Variants in CPNE8 observed in about 807,000 individuals in gnomAD.
CPNE8 encodes the protein copine 8.
In CPNE8, 45 loss-of-function variants were observed where a neutral mutation model predicts 81.5. That is an observed-to-expected ratio of 0.55 (90% CI 0.44 to 0.71). CPNE8 has a LOEUF of 0.71. CPNE8 is among the 30% of genes least tolerant of loss of function. The pLI, the probability that CPNE8 is intolerant of heterozygous loss-of-function variation, is 0.00. For synonymous variants in CPNE8, 252 were observed against 226.3 expected, an observed-to-expected ratio of 1.11 and a Z score of -1.02; for missense variants, 594 against 672.1, an observed-to-expected ratio of 0.88 and a Z score of 1.28.
At chr12:38,683,926 A>G (rs1414746008) in intron 16 of CPNE8, among the ~76,000 whole-genome samples, 1 of 152,144 alleles carries the variant, frequency 6.6e-6, no homozygotes, top group Non-Finnish European at 1.5e-5. Flanking sequence ...TTAAATGTAT[A>G]TAGAAATGCA....
chr12:38,699,397 T>TTATATTGTTATATGCA (rs1565572839), intron 14 of CPNE8, among the ~76,000 whole-genome samples: 2 of 152,230 alleles, frequency 1.3e-5, no homozygotes, highest in African/African-American at 4.8e-5. Context: ...TATTTATGCA[T>TTATATTGTTATATGCA]TTATATTGTT....
chr12:38,816,133 T>A (rs1943020596), intron 6 of CPNE8, among the ~76,000 whole-genome samples: 1 of 152,196 alleles, frequency 6.6e-6, no homozygotes, highest in Non-Finnish European at 1.5e-5. Context: ...TAAAATTCTG[T>A]ATTTTTAAAG....
chr12:38,886,840 C>T (rs747238077), intron 1 of CPNE8, among the ~76,000 whole-genome samples: 4 of 152,104 alleles, frequency 2.6e-5, no homozygotes, highest in Non-Finnish European at 5.9e-5. Flanking sequence ...GAAGGTAGAG[C>T]TCAGATGGGA....
At chr12:38,792,689 G>C (rs1380052760) in intron 6 of CPNE8, among the ~76,000 whole-genome samples, 1 of 151,716 alleles carries the variant, frequency 6.6e-6, no homozygotes, top group Non-Finnish European at 1.5e-5. Flanking sequence ...TGAAACACTT[G>C]TGAAAAATTA....
intron 13 of CPNE8, among the ~76,000 whole-genome samples, chr12:38,717,424 GTGGTGTATATATATATATATATA>G (rs1455795589): frequency 2.9e-5 from 1 of 34,144 alleles, no homozygotes; most frequent in Non-Finnish European, 5.4e-5. Context: ...CAAAGAAAGT[GTGGTGTATATATATATATATATA>G]TATATATATA....
In CPNE8 at chr12:38,769,095, A is replaced by T. The variant is rs939588586; in HGVS notation, c.472-1357T>A. Among the ~76,000 whole-genome samples the T allele has an allele frequency of 3.3e-5, 5 of 152,178 alleles. No homozygotes were observed. In the South Asian group the frequency reaches 1.0e-3, roughly 32 times the overall value. On this transcript the variant is annotated intron_variant, in intron 7 of 19. Transcript: ENST00000331366. ...CATTCATTCACTCATTTTCTTACTTAGCAAACATTTAGCAAGCAATAGTCA... is the reference window on the plus strand; with the variant it reads ...CATTCATTCACTCATTTTCTTACTTTGCAAACATTTAGCAAGCAATAGTCA...
At chr12:38,666,179 T>C (rs1939053218) in intron 19 of CPNE8, among the ~76,000 whole-genome samples, 1 of 152,202 alleles carries the variant, frequency 6.6e-6, no homozygotes, top group Admixed American at 6.5e-5. Flanking sequence ...TGAACTCAAA[T>C]GGATCTGACT....
intron 1 of CPNE8, among the ~76,000 whole-genome samples, chr12:38,876,740 T>C (rs1406544757): frequency 6.6e-6 from 1 of 152,214 alleles, no homozygotes; most frequent in Non-Finnish European, 1.5e-5. Flanking sequence ...CATATGAATA[T>C]AATAGAATAG....
intron 1 of CPNE8, among the ~76,000 whole-genome samples, chr12:38,896,737 G>A (rs2388172): frequency 0.4 from 61,044 of 151,906 alleles, 14,342 homozygotes; most frequent in Non-Finnish European, 0.53. Flanking sequence ...CTATTCTAAC[G>A]ACTGTTTTAT....
At chr12:38,743,936 T>C (rs1175958528) in intron 10 of CPNE8, among the ~76,000 whole-genome samples, 2 of 152,198 alleles carry the variant, frequency 1.3e-5, no homozygotes, top group Non-Finnish European at 2.9e-5. Context: ...TGTCTTTGTT[T>C]CTGCCAGATG....
At chr12:38,752,445 T>A (rs181022594) in intron 10 of CPNE8, among the ~76,000 whole-genome samples, 1 of 152,172 alleles carries the variant, frequency 6.6e-6, no homozygotes, top group South Asian at 2.1e-4. Context: ...AACCTTCCCC[T>A]GGACTCCCTG....
chr12:38,769,042 C>T (rs1472291428), intron 7 of CPNE8, among the ~76,000 whole-genome samples: 1 of 152,132 alleles, frequency 6.6e-6, no homozygotes, highest in Non-Finnish European at 1.5e-5. Context: ...CAGAAGACTA[C>T]ACAAAACATG....
intron 6 of CPNE8, among the ~76,000 whole-genome samples, chr12:38,797,382 G>C (rs1023603043): frequency 1.6e-4 from 24 of 152,126 alleles, no homozygotes; most frequent in African/African-American, 4.8e-4. Flanking sequence ...GGCAGCATTC[G>C]TGTTTCACGA....
At chr12:38,796,324 A>G (rs1455389047) in intron 6 of CPNE8, among the ~76,000 whole-genome samples, 1 of 152,166 alleles carries the variant, frequency 6.6e-6, no homozygotes, top group African/African-American at 2.4e-5. Flanking sequence ...TGAACTCAAA[A>G]GGAAAAGACA....
chr12:38,782,447 A>G (rs1482576713), intron 6 of CPNE8, among the ~76,000 whole-genome samples: 1 of 152,162 alleles, frequency 6.6e-6, no homozygotes, highest in African/African-American at 2.4e-5. Context: ...TGATCATCAT[A>G]TTGTGGTTGT....
At chr12:38,812,763 T>C (rs763366906) in intron 6 of CPNE8, among the ~76,000 whole-genome samples, 1 of 152,232 alleles carries the variant, frequency 6.6e-6, no homozygotes, top group Non-Finnish European at 1.5e-5. Context: ...CTCACTCTTC[T>C]GCTCTTCTGC....
At chr12:38,885,293 C>G (rs947608543) in intron 1 of CPNE8, among the ~76,000 whole-genome samples, 1 of 151,952 alleles carries the variant, frequency 6.6e-6, no homozygotes, top group Admixed American at 6.6e-5. Flanking sequence ...AAAGTATAAG[C>G]ACCCCAAAAG....
At chr12:38,829,721 T>C (rs968805108) in intron 5 of CPNE8, among the ~76,000 whole-genome samples, 1 of 152,226 alleles carries the variant, frequency 6.6e-6, no homozygotes, top group Non-Finnish European at 1.5e-5. Flanking sequence ...TAAGTTACAA[T>C]ACAAAATAGA....
At chr12:38,881,972 T>C (rs1258031309) in intron 1 of CPNE8, among the ~76,000 whole-genome samples, 1 of 152,188 alleles carries the variant, frequency 6.6e-6, no homozygotes, top group African/African-American at 2.4e-5. Flanking sequence ...GGTACAAAAC[T>C]AAATTCATTA....
Sources: allele counts gnomAD v4.1 joint callset (sites outside exome capture counted in the v4.1 genomes callset), GRCh38; gene constraint gnomAD v4.1.1; transcripts MANE v1.5; gene names NCBI Gene and HGNC (gene_info 2026-07-23, HGNC 2026-07-21).